DIP2A: variants seen among roughly 807,000 people sequenced by gnomAD.
The protein encoded by DIP2A is disco-interacting protein 2 homolog A.
DIP2A carries 85 observed loss-of-function variants against 177.4 expected under a neutral mutation model. The ratio of observed to expected loss-of-function variants is 0.48; its 90% CI spans 0.40 to 0.57. The LOEUF is 0.57. DIP2A is among the 20% of genes least tolerant of loss of function. DIP2A has a pLI of 0.00. For missense variants in DIP2A, 1,791 were observed against 2,100.2 expected, an observed-to-expected ratio of 0.85 and a Z score of 2.88; for synonymous variants, 886 against 881.8, an observed-to-expected ratio of 1.00 and a Z score of -0.08.
At chr21:46,558,596 T>C (rs1289232281) in intron 32 of DIP2A, 2 of 611,460 alleles carry the variant, frequency 3.3e-6, no homozygotes, top group Non-Finnish European at 5.7e-6. Flanking sequence ...AAAGGCTTAT[T>C]TGGAAAAAAA....
chr21:46,523,393 A>ATT (rs61370008), intron 8 of DIP2A, among the ~76,000 whole-genome samples: 5,485 of 89,840 alleles, frequency 0.061, 230 homozygotes, highest in Non-Finnish European at 0.071. Flanking sequence ...CGCCTGGCTA[A>ATT]TTTTTTTTTT....
chr21:46,516,488 C>CT (rs1158910021), intron 8 of DIP2A, among the ~76,000 whole-genome samples: 1,650 of 76,332 alleles, frequency 0.022, 241 homozygotes, highest in Non-Finnish European at 0.029. Context: ...TCTGAAATTT[C>CT]TTTTTTTTTT....
In DIP2A at chr21:46,511,443, A is replaced by G. The variant is rs2058308037; in HGVS notation, c.931A>G (p.Lys311Glu). The change falls in exon 8 of 38, where the codon AAG becomes GAG. Residue 311 changes from lysine (K) to glutamate (E), a missense_variant. By Grantham distance (56) the Lys-to-Glu change is moderately conservative (BLOSUM62 1). Coordinates refer to ENST00000417564, the MANE Select transcript of DIP2A (RefSeq NM_015151.4). ...EVQQPDPNQPKPEGSETSVLR... is the reference protein window; with the variant it reads ...EVQQPDPNQPEPEGSETSVLR... ...TCAGCAACCAGATCCAAATCAGCCAAAGCCTGAGGGAAGCGAGACGAGTGT... is the reference window on the plus strand; with the variant it reads ...TCAGCAACCAGATCCAAATCAGCCAGAGCCTGAGGGAAGCGAGACGAGTGT... The G allele has an allele frequency of 6.2e-7, 1 of 1,612,062 alleles. No homozygotes were observed. Among genetic ancestry groups the G allele is most frequent in the Admixed American group, 1.7e-5 (1 of 59,688 alleles).
chr21:46,470,929 GAAAA>G (rs61607316), intron 1 of DIP2A, among the ~76,000 whole-genome samples: 495 of 82,902 alleles, frequency 6.0e-3, no homozygotes, highest in Non-Finnish European at 0.011. Flanking sequence ...TTCTGTTTCA[GAAAA>G]AAAAAAAAAA....
chr21:46,506,425 A>T (rs1202592390), intron 6 of DIP2A, among the ~76,000 whole-genome samples: 1 of 152,166 alleles, frequency 6.6e-6, no homozygotes, highest in Non-Finnish European at 1.5e-5. Flanking sequence ...GCCTATTTTA[A>T]CTTTTTAAGA....
At chr21:46,480,369 G>C (rs540287777) in intron 1 of DIP2A, among the ~76,000 whole-genome samples, 23 of 152,298 alleles carry the variant, frequency 1.5e-4, no homozygotes, top group African/African-American at 5.3e-4. Flanking sequence ...ACCTGCCCCC[G>C]TGATTCAGTT....
At chr21:46,508,802 C>T (rs2058155365) in intron 6 of DIP2A, among the ~76,000 whole-genome samples, 1 of 151,762 alleles carries the variant, frequency 6.6e-6, no homozygotes, top group South Asian at 2.1e-4. Context: ...GCAGGTGGAT[C>T]ACGAGGTGAA....
At chr21:46,575,483 C>T in the DIP2A span, among the ~76,000 whole-genome samples, 1 of 152,172 alleles carries the variant, frequency 6.6e-6, no homozygotes, top group African/African-American at 2.4e-5. Context: ...CAAATTATCT[C>T]TGCCAATGAT....
chr21:46,464,086 T>G (rs916743951), intron 1 of DIP2A, among the ~76,000 whole-genome samples: 2 of 152,016 alleles, frequency 1.3e-5, no homozygotes, highest in South Asian at 4.1e-4. Flanking sequence ...TTGAATATTT[T>G]GTGGTATATA....
intron 2 of DIP2A, among the ~76,000 whole-genome samples, chr21:46,487,101 G>A (rs1013107398): frequency 1.3e-5 from 2 of 152,196 alleles, no homozygotes; most frequent in Admixed American, 6.5e-5. Flanking sequence ...AGTTAAATTG[G>A]AGAGGGCCAC....
chr21:46,461,271 C>CAAAAAAAAAAAAAAAAAAAAAAAAAAA (rs60346777), intron 1 of DIP2A, among the ~76,000 whole-genome samples: 2 of 49,312 alleles, frequency 4.1e-5, no homozygotes, highest in African/African-American at 8.5e-5. Flanking sequence ...CTCTTCTCAC[C>CAAAAAAAAAAAAAAAAAAAAAAAAAAA]AAAAAAAAAA....
At chr21:46,477,574 T>TGTGTGTGTGGGTGTGTGTG (rs1292980032) in intron 1 of DIP2A, among the ~76,000 whole-genome samples, 1 of 93,724 alleles carries the variant, frequency 1.1e-5, no homozygotes, top group Non-Finnish European at 2.5e-5. Context: ...TGTGTATTTC[T>TGTGTGTGTGGGTGTGTGTG]TTTTTTTTTT....
chr21:46,534,887 G>A (rs941029343), intron 13 of DIP2A, among the ~76,000 whole-genome samples, 200 bp downstream of exon 13: 4 of 152,158 alleles, frequency 2.6e-5, no homozygotes, highest in Non-Finnish European at 5.9e-5. Flanking sequence ...TGGCCAAGAG[G>A]GCACACGGTG....
In DIP2A at chr21:46,561,764, C is replaced by T. The variant is rs1343663298; in HGVS notation, c.4048C>T (p.Arg1350Trp). 6.2e-7 allele frequency: 1 copy of T among 1,613,808 alleles called. No individual in the cohort carries two copies. The highest frequency in any genetic ancestry group is 8.5e-7 in the Non-Finnish European group (1 of 1,179,892). ...LRHDRVRLVERGSPHSLPLME... is the reference protein window; with the variant it reads ...LRHDRVRLVEWGSPHSLPLME... ...AATTTTTAGGGTTCGTTTGGTAGAA[C>T]GGGGTTCTCCGCACAGCCTGCCATT... Residue 1350 changes from arginine (R) to tryptophan (W), a missense_variant, in exon 34 of 38, where the codon CGG becomes TGG. By Grantham distance (101) the Arg-to-Trp change is moderately radical. Coordinates refer to ENST00000417564, the MANE Select transcript of DIP2A (RefSeq NM_015151.4).
chr21:46,518,194 A>G (rs1401977915), intron 8 of DIP2A, among the ~76,000 whole-genome samples: 1 of 152,238 alleles, frequency 6.6e-6, no homozygotes, highest in Non-Finnish European at 1.5e-5. Context: ...TTTAGCTACT[A>G]GAAACAGTGC....
chr21:46,556,682 CAAAAAAAAAA>C lies in DIP2A; in HGVS notation c.3499-252_3499-243del. ...TGGGCGACAGAGCAAGACTCTGCCT[CAAAAAAAAAA>C]AAAAGAAAAAAATTTTAAAAATTCA... is the stretch of plus-strand genomic sequence containing the variant. On this transcript the variant is annotated intron_variant, in intron 29 of 37. Coordinates refer to ENST00000417564, the MANE Select transcript of DIP2A (RefSeq NM_015151.4). The surrounding 1 kb of genome is among the most constrained non-coding windows in gnomAD (Gnocchi z 4.5). The C allele has an allele frequency of 4.4e-6, 1 of 229,430 alleles. No individual in the cohort carries two copies. 14.2% of individuals were successfully genotyped at this position (229,430 alleles called of 1,614,324 possible). A position where few individuals can be genotyped will look rare whatever the true frequency, so the allele number is the denominator to read the frequency against.
intron 8 of DIP2A, among the ~76,000 whole-genome samples, chr21:46,520,866 C>G (rs1252526840): frequency 6.6e-6 from 1 of 152,116 alleles, no homozygotes; most frequent in Non-Finnish European, 1.5e-5. Flanking sequence ...ATTTTTATAC[C>G]AAATAAGCTG....
chr21:46,498,527 G>T lies in DIP2A; in HGVS notation c.404-55G>T. 16 of 1,554,570 alleles carry T rather than the reference G, an allele frequency of 1.0e-5. No homozygotes were observed. Among genetic ancestry groups the T allele is most frequent in the Non-Finnish European group, 1.3e-5 (15 of 1,149,186 alleles). ...AGGCTCCAGTGTGAGTGGGAACTCC[G>T]TCCTCCTCTTGACTCATCCCGATAT... On this transcript the variant is annotated intron_variant, in intron 4 of 37. Transcript: ENST00000417564. This position sits in a 1 kb window ranked among gnomAD's most constrained non-coding sequence, Gnocchi z 4.3.
chr21:46,544,873 T>C (rs901517078), intron 18 of DIP2A, among the ~76,000 whole-genome samples: 5 of 152,152 alleles, frequency 3.3e-5, no homozygotes, highest in African/African-American at 1.2e-4. Context: ...ACAGGAAATA[T>C]TTTGTCAGCC....
Sources: allele counts gnomAD v4.1 joint callset (sites outside exome capture counted in the v4.1 genomes callset), GRCh38; gene constraint gnomAD v4.1.1; non-coding constraint Gnocchi (gnomAD v3.1); transcripts MANE v1.5; gene names NCBI Gene and HGNC (gene_info 2026-07-23, HGNC 2026-07-21).